AP3B1: variants seen among roughly 807,000 people sequenced by gnomAD.
AP3B1 encodes AP-3 complex subunit beta-1.
In AP3B1, 61 loss-of-function variants were observed where a neutral mutation model predicts 132.5. The observed-to-expected ratio is 0.46, with a 90% CI of 0.37 to 0.57. The LOEUF is 0.57. AP3B1 is among the 20% of genes least tolerant of loss of function. The pLI is 0.00. For missense variants in AP3B1, 1,120 were observed against 1,289.4 expected (o/e 0.87, Z 2.01); for synonymous variants, 388 against 438.3 (o/e 0.89, Z 1.43).
intron 21 of AP3B1, 109 bp from the exon 22 acceptor site, chr5:78,089,608 A>G (rs954129962): frequency 1.3e-6 from 1 of 758,672 alleles, no homozygotes; most frequent in African/African-American, 1.7e-5. Context: ...TTTGATTAAT[A>G]AATGTATGAC....
chr5:78,020,033 CG>C (rs1747026766), intron 25 of AP3B1, among the ~76,000 whole-genome samples: 1 of 151,748 alleles, frequency 6.6e-6, no homozygotes, highest in East Asian at 1.9e-4. Context: ...TATTCACATA[CG>C]AAAAAAAACC....
chr5:78,016,322 T>C (rs1025599426), intron 25 of AP3B1, among the ~76,000 whole-genome samples: 2 of 152,000 alleles, frequency 1.3e-5, no homozygotes, highest in Non-Finnish European at 2.9e-5. Flanking sequence ...GCCATTAATA[T>C]CCAGACCTCC....
At chr5:78,173,165 C>T (rs1431587487) in intron 11 of AP3B1, among the ~76,000 whole-genome samples, 2 of 152,140 alleles carry the variant, frequency 1.3e-5, no homozygotes, top group Non-Finnish European at 2.9e-5. Context: ...CTGAGGAGTG[C>T]TTTACTTCCA....
At chr5:78,151,877 CAT>C in intron 14 of AP3B1, among the ~76,000 whole-genome samples, 1 of 48,812 alleles carries the variant, frequency 2.0e-5, no homozygotes, top group African/African-American at 8.8e-5. Context: ...CTCCTCTCCC[CAT>C]CCCTCCTCTC....
intron 23 of AP3B1, among the ~76,000 whole-genome samples, chr5:78,037,974 G>C (rs112833659): frequency 4.7e-4 from 71 of 152,174 alleles, no homozygotes; most frequent in Middle Eastern, 3.4e-3. Flanking sequence ...ATGTTTAAAG[G>C]GTATATTTTT....
At chr5:78,186,602 TATGCCAGATCTC>T (rs1744617311) in intron 7 of AP3B1, among the ~76,000 whole-genome samples, 2 of 152,210 alleles carry the variant, frequency 1.3e-5, no homozygotes, top group African/African-American at 4.8e-5. Flanking sequence ...GAGTAAAGGT[TATGCCAGATCTC>T]TCTCAATTAT....
chr5:78,231,234 C>T (rs545234650), intron 3 of AP3B1, among the ~76,000 whole-genome samples: 6 of 152,216 alleles, frequency 3.9e-5, no homozygotes, highest in South Asian at 2.1e-4. Flanking sequence ...TGCAGTGGGG[C>T]GATCTCGCGA....
chr5:78,038,900 C>A, intron 23 of AP3B1, 143 bp downstream of exon 23: 1 of 620,850 alleles, frequency 1.6e-6, no homozygotes, highest in South Asian at 2.1e-5. Context: ...CAAGAAAAAG[C>A]AAATATAAAC....
At position 78,002,794 on chromosome 5, in the gene AP3B1, T is replaced by C. The variant is rs1746238024; in HGVS notation, c.*108A>G. On this transcript the variant is annotated 3_prime_UTR_variant, in exon 27 of 27. Transcript: ENST00000255194. The stretch of plus-strand genomic sequence containing the variant: ...AGACAAGAATGTCAAGAGTGTATTC[T>C]ACCCCCACTGCCAGATGGAAGGGCT... The C allele has an allele frequency of 8.1e-6, 10 of 1,241,082 alleles. No homozygotes were observed. The highest frequency in any genetic ancestry group is 2.1e-4 in the Middle Eastern group (1 of 4,744). 76.9% of individuals were successfully genotyped at this position (1,241,082 alleles called of 1,614,324 possible).
At chr5:78,259,211 GCA>G (rs979455216) in intron 2 of AP3B1, among the ~76,000 whole-genome samples, 7 of 150,360 alleles carry the variant, frequency 4.7e-5, no homozygotes, top group African/African-American at 1.7e-4. Flanking sequence ...TCGTGCCACT[GCA>G]CTCCAGACTG....
chr5:78,017,238 G>A (rs1301985717), intron 25 of AP3B1, among the ~76,000 whole-genome samples: 4 of 151,960 alleles, frequency 2.6e-5, no homozygotes, highest in African/African-American at 4.8e-5. Flanking sequence ...ATTCATTATC[G>A]TCAGCTAATG....
At position 78,040,378 on chromosome 5, in the gene AP3B1, T is replaced by C. The variant is rs751381941; in HGVS notation, c.2578-1104A>G. On this transcript the variant is annotated intron_variant, in intron 22 of 26. Transcript: ENST00000255194. ...AGATATTTCTGGGCCTTGATTGTCCTGTTAAACCAGTCCCATATTGTTTTA... is the reference window on the plus strand; with the variant it reads ...AGATATTTCTGGGCCTTGATTGTCCCGTTAAACCAGTCCCATATTGTTTTA... Among the ~76,000 whole-genome samples the C allele has an allele frequency of 2.0e-5, 3 of 152,216 alleles. No homozygotes were observed. The East Asian group carries it at 5.8e-4, about 29-fold the overall frequency.
At chr5:78,135,497 C>T (rs143838348) in intron 15 of AP3B1, among the ~76,000 whole-genome samples, 306 of 152,058 alleles carry the variant, frequency 2.0e-3, no homozygotes, top group African/African-American at 6.8e-3. Flanking sequence ...AAGAAACGAA[C>T]GTGTGAACAG....
intron 7 of AP3B1, among the ~76,000 whole-genome samples, chr5:78,182,975 C>T (rs1744431288): frequency 6.6e-6 from 1 of 152,202 alleles, no homozygotes; most frequent in Non-Finnish European, 1.5e-5. Context: ...CTTATTCCTC[C>T]TCACTGTGAT....
At chr5:78,094,656 A>T (rs1226465552) in intron 21 of AP3B1, among the ~76,000 whole-genome samples, 1 of 151,952 alleles carries the variant, frequency 6.6e-6, no homozygotes. Context: ...TCATGCCTCT[A>T]ACAGCTTGAC....
rs560151932 is a variant in AP3B1 at position 78,239,778 on chromosome 5, CA to C, written c.279+1083del. On this transcript the variant is annotated intron_variant, in intron 3 of 26. Coordinates refer to ENST00000255194, the MANE Select transcript of AP3B1 (RefSeq NM_003664.5). ...TGAGTGACGAAGTGAGACTCTGTCT[CA>C]AAAAAAAAAAAAAAAAAAAATCAAA... 7.7e-3 allele frequency among the ~76,000 whole-genome samples: 592 copies of C among 77,358 alleles called. 3 individuals carry two copies. The highest frequency in any genetic ancestry group is 0.024 in the Admixed American group (161 of 6,596). The allele number at this position is 77,358 out of a possible 152,430, so 50.7% of individuals were successfully genotyped here.
At chr5:78,285,242 C>G (rs1749225383) in intron 1 of AP3B1, among the ~76,000 whole-genome samples, 1 of 142,904 alleles carries the variant, frequency 7.0e-6, no homozygotes, top group Non-Finnish European at 1.6e-5. Flanking sequence ...GAGCAAGACT[C>G]TGTCTCAAAA....
intron 7 of AP3B1, among the ~76,000 whole-genome samples, chr5:78,184,415 C>T (rs1337143163): frequency 4.0e-5 from 6 of 151,736 alleles, no homozygotes; most frequent in South Asian, 4.2e-4. Context: ...AGGCCGGGTG[C>T]GGTGGCTCAT....
rs190094978 is a variant in AP3B1 at position 78,143,209 on chromosome 5, G to A, written c.1474-1890C>T. On this transcript the variant is annotated intron_variant, in intron 14 of 26. Coordinates refer to ENST00000255194, the MANE Select transcript of AP3B1 (RefSeq NM_003664.5). ...AACAATCTTTTGCAATTAAAAAGAC[G>A]ATCCCAAAAACAAGTAATGTTTAAA... 1.8e-3 allele frequency among the ~76,000 whole-genome samples: 271 copies of A among 151,688 alleles called. No individual in the cohort carries two copies. The Middle Eastern group carries it at 0.02, about 11-fold the overall frequency.
Sources: gnomAD v4.1 joint callset for allele counts (sites outside exome capture counted in the v4.1 genomes callset) on GRCh38, gnomAD v4.1.1 for gene constraint, MANE v1.5 for transcripts, NCBI Gene and HGNC (gene_info 2026-07-23, HGNC 2026-07-21) for gene names.